Variants in PTCHD4 observed in about 807,000 individuals in gnomAD.
PTCHD4 encodes patched domain containing 4.
Under a neutral mutation model 58.1 loss-of-function variants are expected in PTCHD4, and 33 were observed. The observed-to-expected ratio is 0.57, with a 90% CI of 0.43 to 0.76. The LOEUF is 0.76. PTCHD4 is among the 30% of genes least tolerant of loss of function. The pLI is 0.00. For synonymous variants in PTCHD4, 478 were observed against 409.6 expected (o/e 1.17, Z -2.02); for missense variants, 1,058 against 1,027.1 (o/e 1.03, Z -0.41).
rs1376499411 is a variant in PTCHD4 at position 48,008,778 on chromosome 6, T to C, written c.754A>G (p.Lys252Glu). 6.2e-7 allele frequency: 1 copy of C among 1,613,798 alleles called. No individual in the cohort carries two copies. Among genetic ancestry groups the C allele is most frequent in the Non-Finnish European group, 8.5e-7 (1 of 1,179,892 alleles). Residue 252 changes from lysine (K) to glutamate (E), a missense_variant, in exon 4 of 5, where the codon AAG becomes GAG. Transcript: ENST00000339488. ...LTTATLSSSMKDCLRSKPFLG... is the reference protein window; with the variant it reads ...LTTATLSSSMEDCLRSKPFLG... Reference sequence around the variant, plus strand: ...AAGGGCTTACTGCGCAAGCAGTCCTTCATGGAGCTGGAGAGGGTGGCTGTG... The same window carrying C: ...AAGGGCTTACTGCGCAAGCAGTCCTCCATGGAGCTGGAGAGGGTGGCTGTG...
intron 4 of PTCHD4, among the ~76,000 whole-genome samples, chr6:47,898,366 T>A (rs972946297): frequency 5.3e-5 from 8 of 152,236 alleles, no homozygotes; most frequent in African/African-American, 1.9e-4. Context: ...AATTTTTAAA[T>A]TTCTGCATAA....
chr6:47,884,538 G>C (rs1008339396), intron 4 of PTCHD4, among the ~76,000 whole-genome samples: 1 of 152,148 alleles, frequency 6.6e-6, no homozygotes, highest in Non-Finnish European at 1.5e-5. Flanking sequence ...GTGATGCATG[G>C]ATCACATATA....
chr6:47,935,270 G>A (rs1017632827), intron 4 of PTCHD4, among the ~76,000 whole-genome samples: 3 of 152,090 alleles, frequency 2.0e-5, no homozygotes, highest in Non-Finnish European at 4.4e-5. Context: ...TCTATCATTC[G>A]TATGCTACCT....
intron 4 of PTCHD4, among the ~76,000 whole-genome samples, chr6:47,896,295 G>A (rs200573329): frequency 4.6e-5 from 7 of 152,178 alleles, no homozygotes; most frequent in East Asian, 1.9e-4. Context: ...CTTCACCAAC[G>A]GTGGAGGTCC....
chr6:48,106,075 G>A (rs896405287), intron 1 of PTCHD4, among the ~76,000 whole-genome samples: 12 of 152,204 alleles, frequency 7.9e-5, no homozygotes, highest in Non-Finnish European at 1.8e-4. Context: ...AATAGAAAAT[G>A]AGAGAATCCT....
chr6:48,020,199 A>C (rs767375684), intron 3 of PTCHD4, among the ~76,000 whole-genome samples: 8 of 152,146 alleles, frequency 5.3e-5, no homozygotes, highest in Non-Finnish European at 1.0e-4. Flanking sequence ...AGGGCATGGC[A>C]TGATTTTTTT....
At chr6:48,097,739 A>G (rs1765504428) in intron 1 of PTCHD4, among the ~76,000 whole-genome samples, 1 of 152,242 alleles carries the variant, frequency 6.6e-6, no homozygotes, top group African/African-American at 2.4e-5. Flanking sequence ...TATTATAAGA[A>G]CAAACAGAGA....
At chr6:48,023,608 T>G (rs970829954) in intron 3 of PTCHD4, among the ~76,000 whole-genome samples, 1 of 152,210 alleles carries the variant, frequency 6.6e-6, no homozygotes, top group Non-Finnish European at 1.5e-5. Context: ...TCATGAGGTT[T>G]GGAGACAAAA....
chr6:48,032,023 A>G lies in PTCHD4; in HGVS notation c.418-22909T>C, dbSNP rs73736820. Among the ~76,000 whole-genome samples, 1,151 of 151,842 alleles carry G rather than the reference A, an allele frequency of 7.6e-3. 10 individuals are homozygous for G. The highest frequency in any genetic ancestry group is 0.024 in the Middle Eastern group (7 of 294). On this transcript the variant is annotated intron_variant, in intron 3 of 4. Transcript: ENST00000339488. Reference sequence around the variant, plus strand: ...TTTAATGGTAAATTTGCATTTTAATATAATGATGTACCCTCTGTCCTTGAC... The same window carrying G: ...TTTAATGGTAAATTTGCATTTTAATGTAATGATGTACCCTCTGTCCTTGAC...
chr6:48,097,640 T>C (rs1390491361), intron 1 of PTCHD4, among the ~76,000 whole-genome samples: 1 of 152,214 alleles, frequency 6.6e-6, no homozygotes, highest in Non-Finnish European at 1.5e-5. Flanking sequence ...AATTACTCTA[T>C]GTCTAGCATC....
At chr6:47,926,559 T>C (rs1765622585) in intron 4 of PTCHD4, among the ~76,000 whole-genome samples, 1 of 152,224 alleles carries the variant, frequency 6.6e-6, no homozygotes, top group Non-Finnish European at 1.5e-5. Flanking sequence ...ATCTGTATTG[T>C]AATTTGTGTT....
At chr6:47,955,563 G>C (rs997644586) in intron 4 of PTCHD4, among the ~76,000 whole-genome samples, 2 of 152,218 alleles carry the variant, frequency 1.3e-5, no homozygotes, top group African/African-American at 4.8e-5. Flanking sequence ...TTCCTGGAGT[G>C]TAGGAAACCT....
At chr6:48,053,457 G>C (rs1037548023) in intron 3 of PTCHD4, among the ~76,000 whole-genome samples, 6 of 152,038 alleles carry the variant, frequency 3.9e-5, no homozygotes, top group Non-Finnish European at 1.5e-5. Context: ...ATCTCAGGAT[G>C]CCTAGGAATT....
chr6:48,005,344 C>A (rs1762393855), intron 4 of PTCHD4, among the ~76,000 whole-genome samples: 1 of 152,122 alleles, frequency 6.6e-6, no homozygotes, highest in African/African-American at 2.4e-5. Flanking sequence ...TAAATATTCA[C>A]TATCTCAAAG....
chr6:47,987,300 C>T (rs12196774), intron 4 of PTCHD4, among the ~76,000 whole-genome samples: 24,137 of 149,464 alleles, frequency 0.16, 2,094 homozygotes, highest in South Asian at 0.28. Flanking sequence ...GAGATATACC[C>T]AATGCTAAAT....
At chr6:47,899,427 T>C (rs987652180) in intron 4 of PTCHD4, among the ~76,000 whole-genome samples, 3 of 152,232 alleles carry the variant, frequency 2.0e-5, no homozygotes, top group African/African-American at 7.2e-5. Context: ...TAATCCTTTA[T>C]TGTGCTCCAT....
intron 3 of PTCHD4, among the ~76,000 whole-genome samples, chr6:48,030,505 A>T (rs1258771602): frequency 1.3e-5 from 2 of 152,244 alleles, no homozygotes; most frequent in African/African-American, 4.8e-5. Flanking sequence ...GCTCTCTTCC[A>T]GGATTTTGCA....
In PTCHD4 at chr6:47,879,942, GT is replaced by G. The variant is rs750159144; in HGVS notation, c.899-7del. On this transcript the variant is annotated splice_region_variant and splice_polypyrimidine_tract_variant and intron_variant, in intron 4 of 4. Transcript: ENST00000339488. ...CACTCCTTTAGTTCCATGACCTAAT[GT>G]TTTAAAAAAAGAAAATAATAATTAT... 1.3e-6 allele frequency: 2 copies of G among 1,488,242 alleles called. No individual in the cohort carries two copies. The highest frequency in any genetic ancestry group is 2.9e-5 in the African/African-American group (2 of 70,060). 92.2% of individuals were successfully genotyped at this position (1,488,242 alleles called of 1,614,324 possible).
chr6:48,060,625 C>T (rs1316745222), intron 3 of PTCHD4, among the ~76,000 whole-genome samples: 1 of 152,120 alleles, frequency 6.6e-6, no homozygotes, highest in Non-Finnish European at 1.5e-5. Flanking sequence ...AGGTGTGTAC[C>T]ACCACACCTG....
Sources: allele counts gnomAD v4.1 joint callset (sites outside exome capture counted in the v4.1 genomes callset), GRCh38; gene constraint gnomAD v4.1.1; transcripts MANE v1.5; gene names NCBI Gene and HGNC (gene_info 2026-07-23, HGNC 2026-07-21).